Variants in TMEM131 observed in about 807,000 individuals in gnomAD.
The protein encoded by TMEM131 is 2610524E03Rik.
Under a neutral mutation model 211.6 loss-of-function variants are expected in TMEM131, and 66 were observed. The observed-to-expected ratio is 0.31, with a 90% CI of 0.26 to 0.38. TMEM131 has a LOEUF of 0.38. Among genes scored for constraint, TMEM131 ranks in the 10% least tolerant of loss-of-function variants. The pLI is 1.00. For synonymous variants in TMEM131, 844 were observed against 841.3 expected, an observed-to-expected ratio of 1.00 and a Z score of -0.06; for missense variants, 2,036 against 2,299.3, an observed-to-expected ratio of 0.89 and a Z score of 2.34.
At chr2:97,817,115 T>C (rs1012441750) in intron 12 of TMEM131, among the ~76,000 whole-genome samples, 1 of 152,208 alleles carries the variant, frequency 6.6e-6, no homozygotes, top group African/African-American at 2.4e-5. Context: ...TCTTAGAGCC[T>C]ACGATCTCAG....
intron 5 of TMEM131, among the ~76,000 whole-genome samples, chr2:97,853,224 A>G (rs898765309): frequency 2.0e-5 from 3 of 152,176 alleles, no homozygotes; most frequent in Admixed American, 6.6e-5. Context: ...GCTGCCACAA[A>G]GGGTGATTCC....
intron 4 of TMEM131, among the ~76,000 whole-genome samples, chr2:97,872,338 A>G (rs568312997): frequency 9.9e-5 from 15 of 152,228 alleles, no homozygotes; most frequent in Admixed American, 5.2e-4. Flanking sequence ...TCAAGCCCCA[A>G]TGATGCCCCT....
At chr2:97,944,631 CCAAT>C (rs758136399) in intron 1 of TMEM131, among the ~76,000 whole-genome samples, 3 of 152,104 alleles carry the variant, frequency 2.0e-5, no homozygotes, top group Middle Eastern at 3.4e-3. Flanking sequence ...GACAAACCTC[CCAAT>C]CAAAAAATGG....
rs1681095378 is a variant in TMEM131 at position 97,802,757 on chromosome 2, A to G, written c.2436T>C (p.Leu812=). The G allele has an allele frequency of 6.4e-7, 1 of 1,572,916 alleles. No homozygotes were observed. Among genetic ancestry groups the G allele is most frequent in the African/African-American group, 1.4e-5 (1 of 72,650 alleles). Residue 812 remains leucine, a synonymous_variant, in exon 23 of 41, where the codon CTT becomes CTC. Coordinates refer to ENST00000186436, the MANE Select transcript of TMEM131 (RefSeq NM_015348.2). ...TGATTTTTGATATTATATTTTTTTG[A>G]AGGTCTGTATTTACTTCAAATATAG... ...LSAIFEVNTD[L]QKNIISKITA... is the part of the protein sequence containing the mutation.
At chr2:97,993,679 A>C (rs1376969537) in intron 1 of TMEM131, among the ~76,000 whole-genome samples, 1 of 152,236 alleles carries the variant, frequency 6.6e-6, no homozygotes, top group Admixed American at 6.5e-5. Context: ...CCACCCCTTT[A>C]ATACATACTT....
At chr2:97,771,800 T>A (rs1306129908) in intron 33 of TMEM131, among the ~76,000 whole-genome samples, 1 of 152,258 alleles carries the variant, frequency 6.6e-6, no homozygotes, top group Admixed American at 6.5e-5. Flanking sequence ...ACTGGAGTTA[T>A]TTAATGGTAG....
chr2:97,788,065 A>G (rs1422719865), intron 31 of TMEM131, among the ~76,000 whole-genome samples: 3 of 151,916 alleles, frequency 2.0e-5, no homozygotes, highest in Admixed American at 2.0e-4. Flanking sequence ...ACAGCACCCC[A>G]CCGCTCTCCT....
intron 33 of TMEM131, among the ~76,000 whole-genome samples, chr2:97,768,285 TCTGA>T (rs907484399): frequency 1.9e-4 from 29 of 152,296 alleles, no homozygotes; most frequent in Admixed American, 1.4e-3. Flanking sequence ...CTCTTCTACT[TCTGA>T]CTGACAGGGT....
intron 1 of TMEM131, among the ~76,000 whole-genome samples, chr2:97,952,388 A>G (rs1334519473): frequency 1.3e-5 from 2 of 152,180 alleles, no homozygotes; most frequent in Non-Finnish European, 2.9e-5. Flanking sequence ...GATAAACCCA[A>G]AGAAATTCAT....
At chr2:97,787,472 G>A (rs1680305851) in intron 31 of TMEM131, among the ~76,000 whole-genome samples, 1 of 152,198 alleles carries the variant, frequency 6.6e-6, no homozygotes, top group East Asian at 1.9e-4. Flanking sequence ...GTGACCTCCA[G>A]AAAGAATTTC....
chr2:97,794,907 A>T (rs1278556206), intron 29 of TMEM131, 23 bp downstream of exon 29: 3 of 1,543,022 alleles, frequency 1.9e-6, no homozygotes, highest in East Asian at 4.8e-5. Flanking sequence ...AATGAATATG[A>T]ACCTTGAAAC....
chr2:97,762,137 C>A lies in TMEM131; in HGVS notation c.4787G>T (p.Arg1596Leu). ...TLNADIFLKQ[R>L]QTSPTPASPS... is the part of the protein sequence containing the mutation. Reference sequence around the variant, plus strand: ...GGAAGCAGGTGTCGGTGAGGTCTGGCGTTGTTTTAAGAAAATGTCTGCGTT... The same window carrying A: ...GGAAGCAGGTGTCGGTGAGGTCTGGAGTTGTTTTAAGAAAATGTCTGCGTT... The change falls in exon 36 of 41, where the codon CGC becomes CTC. Residue 1596 changes from arginine to leucine, a missense_variant. Physicochemically the swap from Arg to Leu is moderately radical, Grantham distance 102. Around this residue, in one of 3 missense-constraint regions of TMEM131, gnomAD observed 1,623 missense variants for 1,805.9 expected, o/e 0.90. Coordinates refer to ENST00000186436, the MANE Select transcript of TMEM131 (RefSeq NM_015348.2). The A allele has an allele frequency of 3.1e-6, 5 of 1,613,654 alleles. No individual in the cohort carries two copies. Among genetic ancestry groups the A allele is most frequent in the Non-Finnish European group, 4.2e-6 (5 of 1,179,754 alleles).
chr2:97,806,294 T>C (rs561041625), intron 19 of TMEM131, among the ~76,000 whole-genome samples: 2 of 152,326 alleles, frequency 1.3e-5, no homozygotes, highest in East Asian at 3.9e-4. Context: ...CCCAGCACTT[T>C]GGGAGGCTAA....
At chr2:97,902,076 A>G (rs150987560) in intron 3 of TMEM131, among the ~76,000 whole-genome samples, 9 of 152,264 alleles carry the variant, frequency 5.9e-5, no homozygotes, top group Non-Finnish European at 1.3e-4. Context: ...AATATGTATT[A>G]TGCAATAATA....
chr2:97,831,344 A>G (rs1257612839), intron 11 of TMEM131, among the ~76,000 whole-genome samples: 1 of 152,204 alleles, frequency 6.6e-6, no homozygotes, highest in African/African-American at 2.4e-5. Context: ...TTGATGGGGT[A>G]GGGAACCCCA....
chr2:97,819,103 A>G (rs2104997865), intron 11 of TMEM131, among the ~76,000 whole-genome samples: 1 of 152,358 alleles, frequency 6.6e-6, no homozygotes, highest in Non-Finnish European at 1.5e-5. Flanking sequence ...TACTGAGGAA[A>G]TATCTGAACC....
chr2:97,985,933 AGGC>A (rs1680007956), intron 1 of TMEM131, among the ~76,000 whole-genome samples: 1 of 151,946 alleles, frequency 6.6e-6, no homozygotes, highest in African/African-American at 2.4e-5. Context: ...GGTATCAGAA[AGGC>A]AGAAACCATT....
At position 97,982,155 on chromosome 2, in the gene TMEM131, G is replaced by C. The variant is rs149431247; in HGVS notation, c.187+13321C>G. ...TCTTATGTTACCCATAAAGCAACAA[G>C]ACATTCCAATGTCTCCGCACCCTTG... On this transcript the variant is annotated intron_variant, in intron 1 of 40. Coordinates refer to ENST00000186436, the MANE Select transcript of TMEM131 (RefSeq NM_015348.2). Among the ~76,000 whole-genome samples, 879 of 152,258 alleles carry C rather than the reference G, an allele frequency of 5.8e-3. 13 individuals carry two copies. The highest frequency in any genetic ancestry group is 0.019 in the African/African-American group (769 of 41,546).
rs563639888 is a variant in TMEM131, at chr2:97,815,214, G to A, written c.1277C>T (p.Ala426Val). ...AGAAACTCACCCATCTAAAACTTCT[G>A]CTTGATATGGTATTTCAAGTTTAGA... The part of the protein sequence containing the change: ...SYSKLEIPYQ[A>V]EVLDGYLGFD... The change falls in exon 13 of 41, where the codon GCA (alanine) becomes GTA (valine). Residue 426 changes from alanine (A) to valine (V), a missense_variant. Physicochemically the swap from Ala to Val is moderately conservative, Grantham distance 64 (BLOSUM62 0). Transcript: ENST00000186436. 6.5e-7 allele frequency: 1 copy of A among 1,533,874 alleles called. No individual in the cohort carries two copies. The highest frequency in any genetic ancestry group is 1.3e-5 in the South Asian group (1 of 78,100).
Sources: allele counts gnomAD v4.1 joint callset (sites outside exome capture counted in the v4.1 genomes callset), GRCh38; gene constraint gnomAD v4.1.1; regional missense constraint gnomAD v4.1.1; transcripts MANE v1.5; gene names NCBI Gene and HGNC (gene_info 2026-07-23, HGNC 2026-07-21).